Variants in FLVCR2 observed in about 807,000 individuals in gnomAD.
FLVCR2 encodes choline/ethanolamine transporter FLVCR2.
FLVCR2 carries 38 observed loss-of-function variants against 48.9 expected under a neutral mutation model. That is an observed-to-expected ratio of 0.78 (90% CI 0.60 to 1.02). The LOEUF is 1.02. Among genes scored for constraint, FLVCR2 ranks in the 50% least tolerant of loss-of-function variants. The pLI is 0.00. For synonymous variants in FLVCR2, 255 were observed against 257.0 expected (o/e 0.99, Z 0.07); for missense variants, 664 against 663.3 (o/e 1.00, Z -0.01).
chr14:75,626,596 A>G (rs1016770247), intron 3 of FLVCR2, among the ~76,000 whole-genome samples: 2 of 151,924 alleles, frequency 1.3e-5, no homozygotes, highest in East Asian at 1.9e-4. Flanking sequence ...TCCGCAAAAT[A>G]AAGACAAAGT....
intron 1 of FLVCR2, among the ~76,000 whole-genome samples, chr14:75,586,104 C>A (rs1888741637): frequency 6.6e-6 from 1 of 152,224 alleles, no homozygotes; most frequent in African/African-American, 2.4e-5. Context: ...GACCACCAAA[C>A]AGGCTTTGTG....
intron 1 of FLVCR2, among the ~76,000 whole-genome samples, chr14:75,603,805 C>T (rs1034140816): frequency 2.6e-5 from 4 of 152,156 alleles, no homozygotes; most frequent in African/African-American, 9.7e-5. Context: ...GCCCGCTTGC[C>T]TGTGTGCTCC....
chr14:75,596,788 C>T (rs987147041), intron 1 of FLVCR2, among the ~76,000 whole-genome samples: 2 of 121,718 alleles, frequency 1.6e-5, no homozygotes, highest in Non-Finnish European at 3.5e-5. Flanking sequence ...TTGCCCCCCC[C>T]CCCCGCCCCC....
chr14:75,620,143 A>G (rs2140035849), intron 1 of FLVCR2, among the ~76,000 whole-genome samples: 1 of 152,278 alleles, frequency 6.6e-6, no homozygotes, highest in East Asian at 1.9e-4. Flanking sequence ...CCAGCTTCCC[A>G]GCTATGAAGA....
rs535635363 is a variant in FLVCR2 at position 75,591,012 on chromosome 14, TA to T, written c.669+11372del. Among the ~76,000 whole-genome samples, 297 of 152,360 alleles carry T rather than the reference TA, an allele frequency of 1.9e-3. 2 individuals are homozygous for T. The highest frequency in any genetic ancestry group is 6.9e-3 in the African/African-American group (288 of 41,586). On this transcript the variant is annotated intron_variant, in intron 1 of 9. Transcript: ENST00000238667. ...CTTATAAACTCTAAAACAAGTTGTT[TA>T]CTTCCAATATACAACGGTTGCACAG... is the stretch of plus-strand genomic sequence containing the variant.
At chr14:75,588,061 T>C (rs1888793276) in intron 1 of FLVCR2, among the ~76,000 whole-genome samples, 1 of 152,256 alleles carries the variant, frequency 6.6e-6, no homozygotes, top group Non-Finnish European at 1.5e-5. Context: ...TGTAACTAAA[T>C]TTTCTAGCAG....
intron 3 of FLVCR2, among the ~76,000 whole-genome samples, chr14:75,629,247 CTT>C (rs970815874): frequency 1.3e-5 from 2 of 152,002 alleles, no homozygotes; most frequent in East Asian, 1.9e-4. Flanking sequence ...ATAAATATGT[CTT>C]ATGCAATATT....
chr14:75,589,953 T>A (rs1888842363), intron 1 of FLVCR2, among the ~76,000 whole-genome samples: 1 of 152,176 alleles, frequency 6.6e-6, no homozygotes, highest in Admixed American at 6.5e-5. Context: ...TCTGGAAACC[T>A]TGCTGTCTTA....
In FLVCR2 at chr14:75,579,421, T is replaced by C; in HGVS notation, c.449T>C (p.Leu150Pro). 1 of 1,614,088 alleles carries C rather than the reference T, an allele frequency of 6.2e-7. No homozygotes were observed. The highest frequency in any genetic ancestry group is 8.5e-7 in the Non-Finnish European group (1 of 1,180,050). Reference sequence around the variant, plus strand: ...GCTTGGCTGCTGGAGAAGTTCGGCCTGCGCACCATTGCTCTCACTGGCTCG... The same window carrying C: ...GCTTGGCTGCTGGAGAAGTTCGGCCCGCGCACCATTGCTCTCACTGGCTCG... ...PVAWLLEKFG[L>P]RTIALTGSAL... is the part of the protein sequence containing the mutation. Residue 150 changes from leucine to proline, a missense_variant, in exon 1 of 10, where the codon CTG (leucine) becomes CCG (proline). Coordinates refer to ENST00000238667, the MANE Select transcript of FLVCR2 (RefSeq NM_017791.3).
At chr14:75,629,119 C>A (rs1433350002) in intron 3 of FLVCR2, among the ~76,000 whole-genome samples, 1 of 152,104 alleles carries the variant, frequency 6.6e-6, no homozygotes, top group Non-Finnish European at 1.5e-5. Flanking sequence ...AATCGAGGGT[C>A]CAAGTGTTGC....
At chr14:75,583,754 G>A (rs929699868) in intron 1 of FLVCR2, among the ~76,000 whole-genome samples, 2 of 152,154 alleles carry the variant, frequency 1.3e-5, no homozygotes, top group African/African-American at 4.8e-5. Context: ...TTAGAAGCCT[G>A]GCCGTCAATA....
chr14:75,606,747 T>C (rs1889300160), intron 1 of FLVCR2, among the ~76,000 whole-genome samples: 1 of 151,442 alleles, frequency 6.6e-6, no homozygotes, highest in South Asian at 2.1e-4. Context: ...AGTCCAGGAG[T>C]TGGAAACCAG....
At chr14:75,587,441 T>G (rs1353424742) in intron 1 of FLVCR2, among the ~76,000 whole-genome samples, 1 of 152,210 alleles carries the variant, frequency 6.6e-6, no homozygotes, top group Non-Finnish European at 1.5e-5. Context: ...TTGTCTTCTT[T>G]TTTGAAGTTG....
chr14:75,602,228 C>G, intron 1 of FLVCR2, among the ~76,000 whole-genome samples: 1 of 152,202 alleles, frequency 6.6e-6, no homozygotes, highest in East Asian at 1.9e-4. Context: ...TAGCCCCCTC[C>G]CCTCCCCTCC....
chr14:75,630,091 G>A (rs1243628906), intron 3 of FLVCR2, among the ~76,000 whole-genome samples: 1 of 152,346 alleles, frequency 6.6e-6, no homozygotes, highest in Non-Finnish European at 1.5e-5. Context: ...ATGATCTGGG[G>A]TCAGTGTTTC....
chr14:75,640,894 C>T, intron 6 of FLVCR2, 61 bp from the exon 7 acceptor site: 1 of 1,182,386 alleles, frequency 8.5e-7, no homozygotes, highest in Non-Finnish European at 1.3e-6. Context: ...AGGAGGTGGG[C>T]TCCCCATCCT....
At chr14:75,633,840 G>A (rs1890102767) in intron 4 of FLVCR2, 144 bp downstream of exon 4, 1 of 748,094 alleles carries the variant, frequency 1.3e-6, no homozygotes, top group Admixed American at 1.9e-5. Flanking sequence ...GGATTTGGAG[G>A]GAGATGGCCC....
At position 75,634,986 on chromosome 14, in the gene FLVCR2, T is replaced by C. The variant is rs1244586124; in HGVS notation, c.1097T>C (p.Ile366Thr). Reference protein sequence around the residue: ...AGMLGAVISGIWLDRSKTYKE... With the variant: ...AGMLGAVISGTWLDRSKTYKE... ...ATGCTTGGGGCTGTGATCTCAGGAATCTGGCTGGATAGGTCCAAAACCTAC... is the reference window on the plus strand; with the variant it reads ...ATGCTTGGGGCTGTGATCTCAGGAACCTGGCTGGATAGGTCCAAAACCTAC... The change falls in exon 5 of 10, where the codon ATC becomes ACC. Residue 366 changes from isoleucine to threonine, a missense_variant. Physicochemically the swap from Ile to Thr is moderately conservative, Grantham distance 89. Transcript: ENST00000238667. The C allele has an allele frequency of 6.2e-7, 1 of 1,613,624 alleles. No homozygotes were observed. Among genetic ancestry groups the C allele is most frequent in the Admixed American group, 1.7e-5 (1 of 60,024 alleles).
chr14:75,582,608 TGTG>T (rs756265372), intron 1 of FLVCR2, among the ~76,000 whole-genome samples: 56 of 152,204 alleles, frequency 3.7e-4, no homozygotes, highest in African/African-American at 1.3e-3. Flanking sequence ...GGCTACAGGG[TGTG>T]GTCCCGGCTG....
Sources: gnomAD v4.1 joint callset for allele counts (sites outside exome capture counted in the v4.1 genomes callset) on GRCh38, gnomAD v4.1.1 for gene constraint, MANE v1.5 for transcripts, NCBI Gene and HGNC (gene_info 2026-07-23, HGNC 2026-07-21) for gene names.